Variants in CBX7 observed in about 807,000 individuals in gnomAD.
The protein encoded by CBX7 is chromobox protein homolog 7.
In CBX7, 14 loss-of-function variants were observed where a neutral mutation model predicts 31.4. The observed-to-expected ratio is 0.45, with a 90% CI of 0.29 to 0.70. The LOEUF (loss-of-function observed/expected upper bound fraction) is 0.70. Ranked by LOEUF, CBX7 falls within the 30% of genes least tolerant of loss-of-function variation. The probability of loss-of-function intolerance (pLI) is 0.11; values close to 1 mark genes in which losing one functional copy is unlikely to be tolerated. For missense variants in CBX7, 269 were observed against 351.9 expected, an observed-to-expected ratio of 0.76 and a Z score of 1.89; for synonymous variants, 159 against 152.6, an observed-to-expected ratio of 1.04 and a Z score of -0.31.
Position 39,149,774 on chromosome 22 carries a change from C to G in CBX7, c.113+15G>C. ...GTAGGCAGACAGACAGACACACACACATGAAGGAGCTTACTTTGGGGGCCA... is the reference window on the plus strand; with the variant it reads ...GTAGGCAGACAGACAGACACACACAGATGAAGGAGCTTACTTTGGGGGCCA... On this transcript the variant is annotated intron_variant, in intron 2 of 5. Transcript: ENST00000216133. The G allele has an allele frequency of 6.2e-7, 1 of 1,613,190 alleles. No homozygotes were observed.
Position 39,133,859 on chromosome 22 carries a change from GA to G in CBX7, c.*31del. 1 of 1,547,772 alleles carries G rather than the reference GA, an allele frequency of 6.5e-7. No homozygotes were observed. The highest frequency in any genetic ancestry group is 8.8e-7 in the Non-Finnish European group (1 of 1,139,494). ...TGGAAGTCCCACCCCAAGCCCAAAA[GA>G]AAACAGTTTAAGAAGAGTAAAAACG... On this transcript the variant is annotated 3_prime_UTR_variant, in exon 6 of 6. Coordinates refer to ENST00000216133, the MANE Select transcript of CBX7 (RefSeq NM_175709.5).
intron 1 of CBX7, among the ~76,000 whole-genome samples, chr22:39,150,494 T>TA (rs1384077950): frequency 6.6e-6 from 1 of 152,136 alleles, no homozygotes; most frequent in East Asian, 1.9e-4. Context: ...AGTTTACAGT[T>TA]ACGGTGGCTC....
In CBX7 at chr22:39,131,479, G is replaced by A. The variant is rs1930036612; in HGVS notation, c.*2412C>T. The A allele has an allele frequency of 6.6e-6, 1 of 152,666 alleles. No individual in the cohort carries two copies. The allele number at this position is 152,666 out of a possible 1,614,324, so 9.5% of individuals were successfully genotyped here. On this transcript the variant is annotated 3_prime_UTR_variant, in exon 6 of 6. Transcript: ENST00000216133. ...CCTCATAGAGGTCACCTGTCCTGGA[G>A]GATGGTCCTAACGGCCCACAGCCTT...
At chr22:39,138,775 C>G in intron 3 of CBX7, 73 bp from the exon 4 acceptor site, 5 of 1,373,454 alleles carry the variant, frequency 3.6e-6, no homozygotes, top group Non-Finnish European at 4.2e-6. Flanking sequence ...GCATCCGCTT[C>G]GCCCGCCCTC....
At chr22:39,145,562 C>T (rs1296534863) in intron 2 of CBX7, among the ~76,000 whole-genome samples, 1 of 151,978 alleles carries the variant, frequency 6.6e-6, no homozygotes, top group Non-Finnish European at 1.5e-5. Context: ...GCGGCGTGGA[C>T]ACCGGGGGAC....
chr22:39,152,502 GC>G lies in CBX7; in HGVS notation c.-59del. 1.3e-6 allele frequency: 1 copy of G among 792,194 alleles called. No individual in the cohort carries two copies. Among genetic ancestry groups the G allele is most frequent in the South Asian group, 5.5e-5 (1 of 18,166 alleles). 49.1% of individuals were successfully genotyped at this position (792,194 alleles called of 1,614,324 possible). ...GCCGGGCCGGGGGCGGAGCTGCGGGGCCGCGGCTGCGGCGCGCGATGCTGGG... is the reference window on the plus strand; with the variant it reads ...GCCGGGCCGGGGGCGGAGCTGCGGGGCGCGGCTGCGGCGCGCGATGCTGGG... On this transcript the variant is annotated 5_prime_UTR_variant, in exon 1 of 6. Coordinates refer to ENST00000216133, the MANE Select transcript of CBX7 (RefSeq NM_175709.5). The surrounding 1 kb of genome is among the most constrained non-coding windows in gnomAD (Gnocchi z 4.9).
chr22:39,145,588 T>C (rs1243175811), intron 2 of CBX7, among the ~76,000 whole-genome samples: 1 of 151,270 alleles, frequency 6.6e-6, no homozygotes, highest in East Asian at 2.0e-4. Context: ...GGGTCTGCAC[T>C]GGGCTCGCGG....
In CBX7 at chr22:39,144,314, C is replaced by A. The variant is rs1930565466; in HGVS notation, c.114-2878G>T. 1.3e-5 allele frequency among the ~76,000 whole-genome samples: 2 copies of A among 152,228 alleles called. 1 individual carries two copies. Among genetic ancestry groups the A allele is most frequent in the South Asian group, 4.1e-4 (2 of 4,832 alleles). On this transcript the variant is annotated intron_variant, in intron 2 of 5. Transcript: ENST00000216133. ...CCTCCCTCCCTTTGGGTGCCCCATC[C>A]CTCCAGTCAACTCCTAGCCGACCCT...
intron 2 of CBX7, chr22:39,148,439 A>G (rs1429609453): frequency 1.3e-5 from 2 of 152,348 alleles, no homozygotes; most frequent in African/African-American, 2.4e-5. Flanking sequence ...GCTGGTGGCC[A>G]CAGCTTCCTG....
intron 2 of CBX7, among the ~76,000 whole-genome samples, chr22:39,142,770 C>T (rs1425342501): frequency 6.6e-6 from 1 of 152,156 alleles, no homozygotes; most frequent in East Asian, 1.9e-4. Flanking sequence ...TATGTACAGT[C>T]AAGTGCCGAA....
At position 39,134,531 on chromosome 22, in the gene CBX7, G is replaced by C; in HGVS notation, c.468C>G (p.Phe156Leu). The change falls in exon 5 of 6, where the codon TTC (phenylalanine) becomes TTG (leucine). Residue 156 changes from phenylalanine to leucine, a missense_variant. Phe to Leu is a conservative substitution (Grantham distance 22, BLOSUM62 0). Around this residue, in one of 2 missense-constraint regions of CBX7, gnomAD observed 222 missense variants for 240.4 expected, o/e 0.92. Coordinates refer to ENST00000216133, the MANE Select transcript of CBX7 (RefSeq NM_175709.5). ...TCTCCAGGTTGGGCCCGCGGGGCGG[G>C]AACTTCTTGCGCGAGAGCCGCAGGT... ...HKYLRLSRKK[F>L]PPRGPNLESH... The C allele has an allele frequency of 6.2e-7, 1 of 1,611,700 alleles. No homozygotes were observed.
intron 4 of CBX7, chr22:39,136,016 G>A (rs566479059): frequency 6.7e-6 from 1 of 149,232 alleles, no homozygotes; most frequent in African/African-American, 2.5e-5. Flanking sequence ...TTTGAACCCA[G>A]AAGGCAGAGC....
At chr22:39,144,835 C>A (rs1930585350) in intron 2 of CBX7, among the ~76,000 whole-genome samples, 1 of 152,252 alleles carries the variant, frequency 6.6e-6, no homozygotes, top group East Asian at 1.9e-4. Context: ...GCCGGGACCG[C>A]CAGGACCGCA....
Position 39,134,439 on chromosome 22 carries a change from C to T in CBX7, c.560G>A (p.Gly187Asp). 6.2e-7 allele frequency: 1 copy of T among 1,604,258 alleles called. No homozygotes were observed. Reference protein sequence around the residue: ...PPAPDVLQAAGEWEPAAQPPE... With the variant: ...PPAPDVLQAADEWEPAAQPPE... ...GGGCTGCGCAGCAGGCTCCCACTCGCCAGCCGCCTGCAGGACGTCTGGGGC... is the reference window on the plus strand; with the variant it reads ...GGGCTGCGCAGCAGGCTCCCACTCGTCAGCCGCCTGCAGGACGTCTGGGGC... The change falls in exon 5 of 6, where the codon GGC becomes GAC. Residue 187 changes from glycine (G) to aspartate (D), a missense_variant. Coordinates refer to ENST00000216133, the MANE Select transcript of CBX7 (RefSeq NM_175709.5).
chr22:39,137,361 G>A (rs572153436), intron 4 of CBX7, among the ~76,000 whole-genome samples: 11 of 151,350 alleles, frequency 7.3e-5, no homozygotes, highest in African/African-American at 1.9e-4. Context: ...GGGGCGGGGC[G>A]GCAGGGGACG....
Position 39,141,418 on chromosome 22 carries a change from T to G in CBX7, c.132A>C (p.Pro44=). 2 of 1,612,224 alleles carry G rather than the reference T, an allele frequency of 1.2e-6. No homozygotes were observed. The highest frequency in any genetic ancestry group is 1.7e-6 in the Non-Finnish European group (2 of 1,179,460). ...GGCGGGGGTCCAAGATGTGCTCTTC[T>G]GGCTCCCACGTGCTGTACCTGGGGA... ...GWPPKYSTWE[P]EEHILDPRLV... The change falls in exon 3 of 6, where the codon CCA becomes CCC. Residue 44 remains proline, a synonymous_variant. Transcript: ENST00000216133.
At chr22:39,141,475 G>T (rs534390544) in intron 2 of CBX7, 39 bp from the exon 3 acceptor site, 10 of 1,569,402 alleles carry the variant, frequency 6.4e-6, no homozygotes, top group Middle Eastern at 1.7e-4. Context: ...GGGGCTGGGC[G>T]CGGTGGCTCA....
chr22:39,144,610 C>T (rs569973940), intron 2 of CBX7, among the ~76,000 whole-genome samples: 1 of 152,322 alleles, frequency 6.6e-6, no homozygotes, highest in East Asian at 1.9e-4. Context: ...GACACTCTAA[C>T]CCTTCCTCCC....
chr22:39,142,127 G>A (rs1180767649), intron 2 of CBX7, among the ~76,000 whole-genome samples: 3 of 152,204 alleles, frequency 2.0e-5, no homozygotes, highest in Non-Finnish European at 4.4e-5. Context: ...CTAGCTAGCT[G>A]TGCGACCTTG....
Sources: gnomAD v4.1 joint callset for allele counts (sites outside exome capture counted in the v4.1 genomes callset) on GRCh38, gnomAD v4.1.1 for gene constraint, gnomAD v4.1.1 regional missense constraint, Gnocchi (gnomAD v3.1) non-coding constraint, MANE v1.5 for transcripts, NCBI Gene and HGNC (gene_info 2026-07-23, HGNC 2026-07-21) for gene names.